The following CELSR1 variants were observed in gnomAD, a reference collection of about 807,000 sequenced individuals.
CELSR1 encodes adhesion G protein-coupled receptor C1.
Under a neutral mutation model 249.1 loss-of-function variants are expected in CELSR1, and 110 were observed. That is an observed-to-expected ratio of 0.44 (90% CI 0.38 to 0.52). The LOEUF (loss-of-function observed/expected upper bound fraction) is 0.52. Among genes scored for constraint, CELSR1 ranks in the 20% least tolerant of loss-of-function variants. The pLI is 0.00. For missense variants in CELSR1, 4,109 were observed against 4,296.4 expected, an observed-to-expected ratio of 0.96 and a Z score of 1.22; for synonymous variants, 2,113 against 1,900.0, an observed-to-expected ratio of 1.11 and a Z score of -2.92.
At chr22:46,371,424 T>C (rs1051772830) in intron 25 of CELSR1, among the ~76,000 whole-genome samples, 20 of 152,256 alleles carry the variant, frequency 1.3e-4, no homozygotes, top group African/African-American at 4.6e-4. Context: ...GGGTTCTTCT[T>C]TTTGTGAATA....
intron 1 of CELSR1, among the ~76,000 whole-genome samples, chr22:46,492,934 C>T (rs1316535222): frequency 6.6e-6 from 1 of 152,056 alleles, no homozygotes; most frequent in Non-Finnish European, 1.5e-5. Flanking sequence ...TTTAATATTT[C>T]TCTGGGAGAG....
At chr22:46,387,491 G>A (rs9627437) in intron 18 of CELSR1, among the ~76,000 whole-genome samples, 4,174 of 151,850 alleles carry the variant, frequency 0.027, 201 homozygotes, top group African/African-American at 0.095. Context: ...AGCAATTCTC[G>A]TGCCTCAGCC....
chr22:46,376,167 A>C (rs2078916338), intron 24 of CELSR1, among the ~76,000 whole-genome samples: 1 of 152,260 alleles, frequency 6.6e-6, no homozygotes, highest in Admixed American at 6.5e-5. Flanking sequence ...TAATGAGCAT[A>C]ACATTTATCA....
chr22:46,376,889 C>T (rs894750958), intron 24 of CELSR1, among the ~76,000 whole-genome samples, 172 bp downstream of exon 24: 1 of 151,880 alleles, frequency 6.6e-6, no homozygotes, highest in African/African-American at 2.4e-5. Context: ...GTGAATCCCA[C>T]ATCTCCACCC....
intron 30 of CELSR1, 91 bp downstream of exon 30, chr22:46,366,295 G>T: frequency 6.1e-6 from 6 of 979,956 alleles, no homozygotes; most frequent in Non-Finnish European, 9.1e-6. Flanking sequence ...AGGTGATGTT[G>T]GTTGAATGGC....
intron 18 of CELSR1, 80 bp downstream of exon 18, chr22:46,389,210 G>T: frequency 6.9e-7 from 1 of 1,449,184 alleles, no homozygotes; most frequent in Non-Finnish European, 9.5e-7. Flanking sequence ...TGAGGTAGAC[G>T]CCCAGCCCCA....
rs142090496 is a variant in CELSR1 at position 46,536,135 on chromosome 22, T to A, written c.1036A>T (p.Thr346Ser). Residue 346 changes from threonine to serine, a missense_variant, in exon 1 of 35, where the codon ACC becomes TCC. Thr to Ser is a moderately conservative substitution (Grantham distance 58). Around this residue, in one of 7 missense-constraint regions of CELSR1, gnomAD observed 673 missense variants for 636.8 expected, o/e 1.06. Coordinates refer to ENST00000674500, the MANE Select transcript of CELSR1 (RefSeq NM_001378328.1). ...TCGAAGACCGGGCTGTGGTCGTTGG[T>A]GTCTTTGACCAAGACAGTGATGTAG... ...TTYITVLVKD[T>S]NDHSPVFEQS... is the part of the protein sequence containing the mutation. 3,137 of 1,612,926 alleles carry A rather than the reference T, an allele frequency of 1.9e-3. 4 individuals are homozygous for A. The highest frequency in any genetic ancestry group is 2.4e-3 in the Non-Finnish European group (2,841 of 1,180,008).
At position 46,451,680 on chromosome 22, in the gene CELSR1, G is replaced by A. The variant is rs142247331; in HGVS notation, c.4183+12027C>T. ...CAACCTCCTTCTCCACAACACCGAC[G>A]ATGGAGGAGAGACTAGGAAATAACC... On this transcript the variant is annotated intron_variant, in intron 2 of 34. Transcript: ENST00000674500. 5.3e-3 allele frequency among the ~76,000 whole-genome samples: 803 copies of A among 152,260 alleles called. 7 individuals are homozygous for A. The highest frequency in any genetic ancestry group is 0.018 in the African/African-American group (756 of 41,536).
In CELSR1 at chr22:46,412,945, T is replaced by A. The variant is rs1464262393; in HGVS notation, c.4612-1186A>T. ...ACCATGCCCCACAATTGGCACACAA[T>A]GCGCAGCAGAGCCTCCCCCTCCACC... On this transcript the variant is annotated intron_variant, in intron 5 of 34. Coordinates refer to ENST00000674500, the MANE Select transcript of CELSR1 (RefSeq NM_001378328.1). This position sits in a 1 kb window ranked among gnomAD's most constrained non-coding sequence, Gnocchi z 4.5. Among the ~76,000 whole-genome samples the A allele has an allele frequency of 6.6e-6, 1 of 152,130 alleles. No individual in the cohort carries two copies. Among genetic ancestry groups the A allele is most frequent in the Non-Finnish European group, 1.5e-5 (1 of 68,028 alleles).
chr22:46,497,813 A>G (rs1350587484), intron 1 of CELSR1, among the ~76,000 whole-genome samples: 1 of 152,152 alleles, frequency 6.6e-6, no homozygotes, highest in East Asian at 1.9e-4. Context: ...TTCTAATTCA[A>G]CAGACCTTTA....
At position 46,446,087 on chromosome 22, in the gene CELSR1, A is replaced by G. The variant is rs536861806; in HGVS notation, c.4184-6676T>C. Among the ~76,000 whole-genome samples the G allele has an allele frequency of 6.6e-6, 1 of 152,130 alleles. No individual in the cohort carries two copies. The highest frequency in any genetic ancestry group is 2.4e-5 in the African/African-American group (1 of 41,526). ...ACTCCCACTGCTCCATAAAGACCCC[A>G]GCCTAAGGGGTCCCAGGGCCCAGCC... is the stretch of plus-strand genomic sequence containing the variant. On this transcript the variant is annotated intron_variant, in intron 2 of 34. Coordinates refer to ENST00000674500, the MANE Select transcript of CELSR1 (RefSeq NM_001378328.1). This position sits in a 1 kb window ranked among gnomAD's most constrained non-coding sequence, Gnocchi z 5.5.
chr22:46,382,951 G>C (rs113550329), intron 20 of CELSR1, among the ~76,000 whole-genome samples: 5,632 of 152,292 alleles, frequency 0.037, 143 homozygotes, highest in Non-Finnish European at 0.058. Context: ...GAGTTCTGGA[G>C]ATGGACTGTT....
At chr22:46,397,635 C>T (rs768829138) in intron 12 of CELSR1, 39 bp downstream of exon 12, 1 of 1,410,812 alleles carries the variant, frequency 7.1e-7, no homozygotes, top group Non-Finnish European at 9.3e-7. Flanking sequence ...CCATAAGAGA[C>T]CTCCCTGTCA....
In CELSR1 at chr22:46,484,791, A is replaced by T. The variant is rs2080298620; in HGVS notation, c.3545-20446T>A. On this transcript the variant is annotated intron_variant, in intron 1 of 34. Coordinates refer to ENST00000674500, the MANE Select transcript of CELSR1 (RefSeq NM_001378328.1). This position sits in a 1 kb window ranked among gnomAD's most constrained non-coding sequence, Gnocchi z 4.5. The stretch of plus-strand genomic sequence containing the variant: ...AACACTACCGAAGCCCACCTCCAGG[A>T]ACAAGGATATCATCCTTGTTACTTC... 6.8e-6 allele frequency among the ~76,000 whole-genome samples: 1 copy of T among 146,258 alleles called. No individual in the cohort carries two copies. Among genetic ancestry groups the T allele is most frequent in the African/African-American group, 2.5e-5 (1 of 39,828 alleles).
intron 1 of CELSR1, among the ~76,000 whole-genome samples, chr22:46,497,899 GGAGAA>G (rs1321598676): frequency 6.6e-6 from 1 of 152,048 alleles, no homozygotes; most frequent in African/African-American, 2.4e-5. Context: ...AAGAACAATG[GGAGAA>G]AATGTGCTCC....
rs116407277 is a variant in CELSR1 at position 46,441,096 on chromosome 22, C to T, written c.4184-1685G>A. ...TCAACCCGGGAGGCGGAGGTTGTAG[C>T]GAGCCGAGGTCACACTACCGCACTC... On this transcript the variant is annotated intron_variant, in intron 2 of 34. Coordinates refer to ENST00000674500, the MANE Select transcript of CELSR1 (RefSeq NM_001378328.1). The surrounding 1 kb of genome is among the most constrained non-coding windows in gnomAD (Gnocchi z 6.1). 0.041 allele frequency among the ~76,000 whole-genome samples: 6,101 copies of T among 150,274 alleles called. 414 individuals are homozygous for T. Among genetic ancestry groups the T allele is most frequent in the African/African-American group, 0.14 (5,733 of 40,762 alleles).
At chr22:46,463,430 C>G (rs1230962512) in intron 2 of CELSR1, among the ~76,000 whole-genome samples, 2 of 151,908 alleles carry the variant, frequency 1.3e-5, no homozygotes. Context: ...GCAGAGGAAT[C>G]GCTTGAACCG....
Position 46,388,076 on chromosome 22 carries a change from C to T in CELSR1, c.6555+1214G>A, listed in dbSNP as rs780195263. Among the ~76,000 whole-genome samples the T allele has an allele frequency of 9.9e-5, 15 of 152,276 alleles. No individual in the cohort carries two copies. The South Asian group carries it at 1.0e-3, about 11-fold the overall frequency. ...CCAAGACAGAAACCAGGGCTGAGCA[C>T]GGTTGCTCATGCCTGTAATCCCAAC... is the stretch of plus-strand genomic sequence containing the variant. On this transcript the variant is annotated intron_variant, in intron 18 of 34. Coordinates refer to ENST00000674500, the MANE Select transcript of CELSR1 (RefSeq NM_001378328.1).
At chr22:46,416,102 C>CGG (rs1230223357) in intron 5 of CELSR1, among the ~76,000 whole-genome samples, 4,614 of 121,942 alleles carry the variant, frequency 0.038, 746 homozygotes, top group African/African-American at 0.14. Context: ...GTACAGGTTG[C>CGG]AGAGGGGGGC....
Sources: gnomAD v4.1 joint callset for allele counts (sites outside exome capture counted in the v4.1 genomes callset) on GRCh38, gnomAD v4.1.1 for gene constraint, gnomAD v4.1.1 regional missense constraint, Gnocchi (gnomAD v3.1) non-coding constraint, MANE v1.5 for transcripts, NCBI Gene and HGNC (gene_info 2026-07-23, HGNC 2026-07-21) for gene names.